TMEM178B: variants seen among roughly 807,000 people sequenced by gnomAD.
TMEM178B encodes the protein transmembrane protein 178B.
TMEM178B carries 5 observed loss-of-function variants against 31.0 expected under a neutral mutation model. The observed-to-expected ratio is 0.16, with a 90% CI of 0.08 to 0.34. The LOEUF (loss-of-function observed/expected upper bound fraction) is 0.34, where lower values mean the gene tolerates loss of function less well. TMEM178B is among the 10% of genes least tolerant of loss of function. TMEM178B has a pLI of 1.00. For missense variants in TMEM178B, 275 were observed against 400.3 expected (o/e 0.69, Z 2.67); for synonymous variants, 164 against 164.0 (o/e 1.00, Z 0.00).
rs572484638 is a variant in TMEM178B at position 141,445,212 on chromosome 7, C to T, written c.634+7467C>T. ...GCATCTATACCCGCTCCACCAAGCT[C>T]ACCAGAGAGCAGTTCAGCTGTGTGA... is the stretch of plus-strand genomic sequence containing the variant. On this transcript the variant is annotated intron_variant, in intron 3 of 3. Coordinates refer to ENST00000565468, the MANE Select transcript of TMEM178B (RefSeq NM_001195278.2). Among the ~76,000 whole-genome samples, 8 of 152,280 alleles carry T rather than the reference C, an allele frequency of 5.3e-5. No homozygotes were observed. In the East Asian group the frequency reaches 1.5e-3, roughly 29 times the overall value.
At chr7:141,117,546 C>A (rs1319549416) in intron 1 of TMEM178B, among the ~76,000 whole-genome samples, 2 of 152,136 alleles carry the variant, frequency 1.3e-5, no homozygotes, top group African/African-American at 2.4e-5. Flanking sequence ...GCTTTTGTTG[C>A]CATTGCTTTT....
At position 141,270,303 on chromosome 7, in the gene TMEM178B, G is replaced by A. The variant is rs576316347; in HGVS notation, c.496+57599G>A. 6.9e-4 allele frequency among the ~76,000 whole-genome samples: 105 copies of A among 152,194 alleles called. 1 individual carries two copies. The South Asian group carries it at 0.017, about 25-fold the overall frequency. On this transcript the variant is annotated intron_variant, in intron 2 of 3. Transcript: ENST00000565468. Reference sequence around the variant, plus strand: ...TTTGGGGAGCACCTGGGTCAGGCCCGGAAGCTCAGGTGAGCAGTCTACATC... The same window carrying A: ...TTTGGGGAGCACCTGGGTCAGGCCCAGAAGCTCAGGTGAGCAGTCTACATC...
chr7:141,339,661 C>T (rs1452741641), intron 2 of TMEM178B, among the ~76,000 whole-genome samples: 1 of 152,204 alleles, frequency 6.6e-6, no homozygotes, highest in African/African-American at 2.4e-5. Flanking sequence ...AGCAAATTCT[C>T]ACCCCATCTT....
At chr7:141,335,699 G>A (rs1799373697) in intron 2 of TMEM178B, among the ~76,000 whole-genome samples, 1 of 152,130 alleles carries the variant, frequency 6.6e-6, no homozygotes, top group Admixed American at 6.5e-5. Flanking sequence ...GATCTTGTTG[G>A]CATCACAGAT....
chr7:141,231,560 G>A (rs1488351603), intron 2 of TMEM178B, among the ~76,000 whole-genome samples: 4 of 152,282 alleles, frequency 2.6e-5, no homozygotes, highest in Non-Finnish European at 5.9e-5. Context: ...ATTTGACATG[G>A]TATCTCCTCT....
At position 141,473,283 on chromosome 7, in the gene TMEM178B, G is replaced by T. The variant is rs1366091317; in HGVS notation, c.*2497G>T. The T allele has an allele frequency of 6.6e-6, 1 of 152,216 alleles. No individual in the cohort carries two copies. The highest frequency in any genetic ancestry group is 6.5e-5 in the Admixed American group (1 of 15,290). The allele number at this position is 152,216 out of a possible 1,614,324, so 9.4% of individuals were successfully genotyped here. A position where few individuals can be genotyped will look rare whatever the true frequency, so the allele number is the denominator to read the frequency against. On this transcript the variant is annotated 3_prime_UTR_variant, in exon 4 of 4. Coordinates refer to ENST00000565468, the MANE Select transcript of TMEM178B (RefSeq NM_001195278.2). Reference sequence around the variant, plus strand: ...CTTTTGTCTTCCTTCCAAGCGTCCTGAAGGGGCTCTGCCGAGGAAGGGACA... The same window carrying T: ...CTTTTGTCTTCCTTCCAAGCGTCCTTAAGGGGCTCTGCCGAGGAAGGGACA...
intron 1 of TMEM178B, among the ~76,000 whole-genome samples, chr7:141,175,001 AT>A (rs1426115462): frequency 6.6e-6 from 1 of 152,118 alleles, no homozygotes; most frequent in African/African-American, 2.4e-5. Context: ...TTTTGTTGCC[AT>A]TGCTTTTGGT....
chr7:141,495,138 C>T, the TMEM178B span, among the ~76,000 whole-genome samples: 1 of 152,066 alleles, frequency 6.6e-6, no homozygotes, highest in Non-Finnish European at 1.5e-5. Context: ...TGCAGGGGAC[C>T]AACATGTCAA....
chr7:141,310,943 T>C (rs1423056362), intron 2 of TMEM178B, among the ~76,000 whole-genome samples: 1 of 152,190 alleles, frequency 6.6e-6, no homozygotes, highest in Admixed American at 6.5e-5. Context: ...ATGTGGTACA[T>C]ATACACATGG....
At chr7:141,444,285 C>T (rs1038097738) in intron 3 of TMEM178B, among the ~76,000 whole-genome samples, 3 of 152,126 alleles carry the variant, frequency 2.0e-5, no homozygotes, top group African/African-American at 7.2e-5. Context: ...GGGATACCTT[C>T]CCTAAGGTAT....
At chr7:141,322,177 A>G (rs540410151) in intron 2 of TMEM178B, among the ~76,000 whole-genome samples, 2 of 152,236 alleles carry the variant, frequency 1.3e-5, no homozygotes, top group Admixed American at 1.3e-4. Context: ...AACAATAATG[A>G]TGGGAAATCA....
At chr7:141,449,528 T>C (rs61692481) in intron 3 of TMEM178B, among the ~76,000 whole-genome samples, 5,305 of 152,222 alleles carry the variant, frequency 0.035, 299 homozygotes, top group African/African-American at 0.12. Context: ...GCCTGGAGGA[T>C]GGAATCGAAG....
At chr7:141,437,356 G>A (rs1180878872) in intron 2 of TMEM178B, among the ~76,000 whole-genome samples, 1 of 152,214 alleles carries the variant, frequency 6.6e-6, no homozygotes, top group African/African-American at 2.4e-5. Flanking sequence ...AGAAGAAATG[G>A]CCACGATATT....
intron 2 of TMEM178B, among the ~76,000 whole-genome samples, chr7:141,241,585 C>T (rs181087645): frequency 2.8e-4 from 31 of 111,082 alleles, no homozygotes; most frequent in Middle Eastern, 5.2e-3. Flanking sequence ...AGCGGGACTT[C>T]GTCTCAAAAA....
intron 1 of TMEM178B, among the ~76,000 whole-genome samples, chr7:141,208,744 G>A (rs963745530): frequency 4.6e-5 from 7 of 152,226 alleles, no homozygotes; most frequent in African/African-American, 1.4e-4. Flanking sequence ...TGCGGTTGGA[G>A]GAGGTTAAAG....
intron 2 of TMEM178B, among the ~76,000 whole-genome samples, chr7:141,404,264 T>C (rs146034530): frequency 0.025 from 3,773 of 152,268 alleles, 60 homozygotes; most frequent in South Asian, 0.056. Context: ...GAGATCATGC[T>C]ACTGCACTCC....
At position 141,473,293 on chromosome 7, in the gene TMEM178B, T is replaced by C. The variant is rs531444018; in HGVS notation, c.*2507T>C. On this transcript the variant is annotated 3_prime_UTR_variant, in exon 4 of 4. Transcript: ENST00000565468. ...CCTTCCAAGCGTCCTGAAGGGGCTC[T>C]GCCGAGGAAGGGACAGACAGGTTCA... 40 of 152,342 alleles carry C rather than the reference T, an allele frequency of 2.6e-4. No homozygotes were observed. Among genetic ancestry groups the C allele is most frequent in the African/African-American group, 9.1e-4 (38 of 41,588 alleles). The allele number at this position is 152,342 out of a possible 1,614,324, so 9.4% of individuals were successfully genotyped here.
chr7:141,334,907 TA>T (rs1196506112), intron 2 of TMEM178B, among the ~76,000 whole-genome samples: 1 of 152,176 alleles, frequency 6.6e-6, no homozygotes, highest in African/African-American at 2.4e-5. Flanking sequence ...AGGCAGCTGG[TA>T]AAGATTTGGA....
intron 1 of TMEM178B, among the ~76,000 whole-genome samples, chr7:141,134,500 C>T (rs975223275): frequency 6.6e-6 from 1 of 151,956 alleles, no homozygotes. Flanking sequence ...TGAAAACACA[C>T]AAAAGTATGA....
Sources: gnomAD v4.1 joint callset for allele counts (sites outside exome capture counted in the v4.1 genomes callset) on GRCh38, gnomAD v4.1.1 for gene constraint, MANE v1.5 for transcripts, NCBI Gene and HGNC (gene_info 2026-07-23, HGNC 2026-07-21) for gene names.